Variants in EXOC6 observed in about 807,000 individuals in gnomAD.
EXOC6 encodes SEC15-like 1.
Under a neutral mutation model 112.5 loss-of-function variants are expected in EXOC6, and 60 were observed. That is an observed-to-expected ratio of 0.53 (90% CI 0.43 to 0.66). The LOEUF (loss-of-function observed/expected upper bound fraction) is 0.66. Among genes scored for constraint, EXOC6 ranks in the 30% least tolerant of loss-of-function variants. The probability of loss-of-function intolerance (pLI) is 0.00; values close to 1 mark genes in which losing one functional copy is unlikely to be tolerated. For missense variants in EXOC6, 855 were observed against 957.1 expected, an observed-to-expected ratio of 0.89 and a Z score of 1.41; for synonymous variants, 295 against 308.0, an observed-to-expected ratio of 0.96 and a Z score of 0.44.
At chr10:92,993,556 G>A (rs56024810) in intron 18 of EXOC6, among the ~76,000 whole-genome samples, 14,379 of 152,112 alleles carry the variant, frequency 0.095, 759 homozygotes, top group Admixed American at 0.17. Flanking sequence ...TAGTTTTTAA[G>A]TGTTCTACAT....
chr10:92,926,684 C>T (rs753241762), intron 8 of EXOC6, among the ~76,000 whole-genome samples: 1 of 152,082 alleles, frequency 6.6e-6, no homozygotes, highest in African/African-American at 2.4e-5. Flanking sequence ...CAGGCACGTA[C>T]CACCATGCCT....
intron 20 of EXOC6, among the ~76,000 whole-genome samples, chr10:93,029,521 A>G (rs533541692): frequency 2.8e-4 from 42 of 152,192 alleles, no homozygotes; most frequent in Middle Eastern, 3.4e-3. Context: ...ATTTCTTTGT[A>G]TATTCTGAAT....
chr10:92,894,669 A>T, intron 2 of EXOC6, 125 bp from the exon 3 acceptor site: 1 of 696,360 alleles, frequency 1.4e-6, no homozygotes, highest in Non-Finnish European at 2.4e-6. Context: ...CTGTAGAGTT[A>T]ATTTGAATTT....
At chr10:92,920,339 T>C (rs992288269) in intron 8 of EXOC6, among the ~76,000 whole-genome samples, 1 of 152,224 alleles carries the variant, frequency 6.6e-6, no homozygotes, top group African/African-American at 2.4e-5. Flanking sequence ...CTTTTACATG[T>C]GTATTCCATA....
chr10:92,950,490 T>C (rs1023585185), intron 14 of EXOC6, among the ~76,000 whole-genome samples: 14 of 152,184 alleles, frequency 9.2e-5, no homozygotes, highest in African/African-American at 3.4e-4. Context: ...AACAGTGCTA[T>C]GTGCTAGATT....
chr10:92,916,849 C>T (rs1851119382), intron 7 of EXOC6, among the ~76,000 whole-genome samples: 1 of 151,932 alleles, frequency 6.6e-6, no homozygotes, highest in Non-Finnish European at 1.5e-5. Flanking sequence ...GCTATTAGGA[C>T]AATGGAGTCA....
chr10:92,878,968 G>T (rs1308670626), intron 1 of EXOC6, among the ~76,000 whole-genome samples: 4 of 152,086 alleles, frequency 2.6e-5, no homozygotes, highest in African/African-American at 7.2e-5. Flanking sequence ...ATTTCAGGGG[G>T]TTCTTTGTTT....
intron 18 of EXOC6, among the ~76,000 whole-genome samples, chr10:92,980,741 A>G (rs1057475720): frequency 6.6e-6 from 1 of 152,232 alleles, no homozygotes; most frequent in Non-Finnish European, 1.5e-5. Flanking sequence ...ACCCTTGGAA[A>G]TCATGCCAAT....
intron 20 of EXOC6, among the ~76,000 whole-genome samples, chr10:93,016,484 T>G (rs1844521878): frequency 1.3e-5 from 2 of 152,178 alleles, no homozygotes; most frequent in South Asian, 4.1e-4. Flanking sequence ...CCTTTGATAT[T>G]TGACATACTT....
rs1020368384 is a variant in EXOC6 at position 92,930,372 on chromosome 10, G to A, written c.972+1950G>A. 2.1e-4 allele frequency among the ~76,000 whole-genome samples: 32 copies of A among 151,696 alleles called. 1 individual carries two copies. Among genetic ancestry groups the A allele is most frequent in the Non-Finnish European group, 4.1e-4 (28 of 67,918 alleles). On this transcript the variant is annotated intron_variant, in intron 9 of 21. Coordinates refer to ENST00000260762, the MANE Select transcript of EXOC6 (RefSeq NM_019053.6). ...ACAAAAATTAGCCAGGCATAGTGGC[G>A]CGTGCCTGTAATCCCAGCTGCTCGG...
chr10:92,885,499 C>G (rs1258764060), intron 1 of EXOC6, among the ~76,000 whole-genome samples: 1 of 151,958 alleles, frequency 6.6e-6, no homozygotes, highest in Admixed American at 6.6e-5. Context: ...CCTGCCTCAG[C>G]CTCCCAAGTA....
intron 20 of EXOC6, among the ~76,000 whole-genome samples, chr10:93,015,552 T>A (rs970795829): frequency 2.6e-5 from 4 of 152,038 alleles, no homozygotes; most frequent in African/African-American, 9.7e-5. Context: ...GCTAACACGG[T>A]GAAACCCCAT....
intron 1 of EXOC6, among the ~76,000 whole-genome samples, chr10:92,852,163 C>G (rs527910897): frequency 2.2e-4 from 33 of 152,278 alleles, no homozygotes; most frequent in Admixed American, 2.0e-3. Context: ...AAAGTATTAT[C>G]AAAGTTCACT....
intron 1 of EXOC6, among the ~76,000 whole-genome samples, chr10:92,887,874 C>T (rs1849305060): frequency 3.3e-5 from 5 of 152,244 alleles, no homozygotes; most frequent in Non-Finnish European, 7.4e-5. Flanking sequence ...TCTTTAAATG[C>T]AATTTATTCC....
At chr10:93,008,409 A>T (rs10509649) in intron 19 of EXOC6, among the ~76,000 whole-genome samples, 12,178 of 152,256 alleles carry the variant, frequency 0.08, 546 homozygotes, top group Admixed American at 0.14. Flanking sequence ...AAATACCCTT[A>T]AAGGCATGGC....
At chr10:92,864,171 T>C (rs1465106646) in intron 1 of EXOC6, among the ~76,000 whole-genome samples, 1 of 152,178 alleles carries the variant, frequency 6.6e-6, no homozygotes, top group African/African-American at 2.4e-5. Context: ...AGACTCACTG[T>C]TATATAGGCG....
At chr10:92,996,764 A>G (rs912794910) in intron 18 of EXOC6, among the ~76,000 whole-genome samples, 1 of 152,182 alleles carries the variant, frequency 6.6e-6, no homozygotes, top group Non-Finnish European at 1.5e-5. Context: ...ATAGTAGGAA[A>G]TATTTTTTAA....
intron 1 of EXOC6, among the ~76,000 whole-genome samples, chr10:92,870,935 G>C (rs1848416531): frequency 6.6e-6 from 1 of 152,040 alleles, no homozygotes; most frequent in Admixed American, 6.5e-5. Flanking sequence ...GTCTCGATCT[G>C]CTGACCTCGT....
upstream of EXOC6, among the ~76,000 whole-genome samples, chr10:92,832,566 C>T (rs1380689624): frequency 6.6e-6 from 1 of 152,202 alleles, no homozygotes; most frequent in Non-Finnish European, 1.5e-5. Flanking sequence ...GTGTGAGCCA[C>T]AGCACCCGGC....
Sources: gnomAD v4.1 joint callset for allele counts (sites outside exome capture counted in the v4.1 genomes callset) on GRCh38, gnomAD v4.1.1 for gene constraint, MANE v1.5 for transcripts, NCBI Gene and HGNC (gene_info 2026-07-23, HGNC 2026-07-21) for gene names.